CELF4: variants seen among roughly 807,000 people sequenced by gnomAD.
CELF4 encodes the protein CUG-BP- and ETR-3-like factor 4.
In CELF4, 18 loss-of-function variants were observed where a neutral mutation model predicts 59.9. The ratio of observed to expected loss-of-function variants is 0.30; its 90% CI spans 0.21 to 0.45. CELF4 has a LOEUF of 0.45. CELF4 is among the 20% of genes least tolerant of loss of function. The pLI, the probability that CELF4 is intolerant of heterozygous loss-of-function variation, is 1.00. For missense variants in CELF4, 456 were observed against 689.0 expected (o/e 0.66, Z 3.79); for synonymous variants, 261 against 267.1 (o/e 0.98, Z 0.22).
At chr18:37,474,880 C>T (rs1262706169) in intron 2 of CELF4, among the ~76,000 whole-genome samples, 1 of 152,210 alleles carries the variant, frequency 6.6e-6, no homozygotes, top group Non-Finnish European at 1.5e-5. Context: ...GCACTTCCAG[C>T]TCGAGGGCTT....
chr18:37,549,180 T>G (rs778217730), intron 1 of CELF4, among the ~76,000 whole-genome samples: 7 of 152,218 alleles, frequency 4.6e-5, no homozygotes, highest in Non-Finnish European at 8.8e-5. Context: ...CTCACTTTAT[T>G]TAAAGGATTT....
chr18:37,471,706 C>T (rs887997139), intron 2 of CELF4, among the ~76,000 whole-genome samples: 4 of 152,158 alleles, frequency 2.6e-5, no homozygotes, highest in South Asian at 2.1e-4. Context: ...TTCTCTCCTC[C>T]GCAGGAGGGA....
At chr18:37,480,645 G>C (rs1174493149) in intron 2 of CELF4, among the ~76,000 whole-genome samples, 1 of 152,168 alleles carries the variant, frequency 6.6e-6, no homozygotes, top group Non-Finnish European at 1.5e-5. Context: ...CCTTGCCAGG[G>C]AAGCCCCCGT....
intron 2 of CELF4, among the ~76,000 whole-genome samples, chr18:37,366,692 G>A (rs74712412): frequency 0.019 from 2,825 of 152,222 alleles, 88 homozygotes; most frequent in African/African-American, 0.065. Flanking sequence ...GGGAGGCATC[G>A]CCACTATCAT....
At chr18:37,273,674 A>G in intron 6 of CELF4, 1 of 988,106 alleles carries the variant, frequency 1.0e-6, no homozygotes, top group Non-Finnish European at 1.2e-6. Context: ...AATGTGGCCA[A>G]GGCGGACAGT....
intron 2 of CELF4, among the ~76,000 whole-genome samples, chr18:37,447,254 G>A (rs944848809): frequency 4.6e-5 from 7 of 152,206 alleles, no homozygotes; most frequent in Non-Finnish European, 8.8e-5. Flanking sequence ...TCCAGAGCAC[G>A]TCACAGAGAG....
At chr18:37,422,047 G>A (rs766639253) in intron 2 of CELF4, among the ~76,000 whole-genome samples, 4 of 152,216 alleles carry the variant, frequency 2.6e-5, no homozygotes, top group Non-Finnish European at 5.9e-5. Context: ...CCCTCTTGCT[G>A]GAAGACACGG....
rs747740678 is a variant in CELF4 at position 37,266,532 on chromosome 18, C to T, written c.1165+1G>A. 1.5e-5 allele frequency: 24 copies of T among 1,591,932 alleles called. No homozygotes were observed. Among genetic ancestry groups the T allele is most frequent in the East Asian group, 9.1e-5 (4 of 44,112 alleles). On this transcript the variant is annotated splice_donor_variant, in intron 9 of 12. Coordinates refer to ENST00000420428, the MANE Select transcript of CELF4 (RefSeq NM_020180.4). LOFTEE classifies it high-confidence loss of function. ...AGCCGTGGGGACGCGTGGATACTAA[C>T]GACCTGCATACTGCTGCACTCCGGC...
chr18:37,352,788 C>T (rs1028533955), intron 2 of CELF4, among the ~76,000 whole-genome samples: 1 of 152,150 alleles, frequency 6.6e-6, no homozygotes, highest in Middle Eastern at 3.4e-3. Context: ...GCAGGAAAGT[C>T]TCCCAGGTAG....
chr18:37,282,857 G>C (rs1449273770), intron 3 of CELF4, among the ~76,000 whole-genome samples: 1 of 152,168 alleles, frequency 6.6e-6, no homozygotes, highest in Non-Finnish European at 1.5e-5. Flanking sequence ...AGCCAGTGGA[G>C]AGCTACACAC....
chr18:37,551,794 C>T (rs1371207044), intron 1 of CELF4, among the ~76,000 whole-genome samples: 2 of 152,190 alleles, frequency 1.3e-5, no homozygotes, highest in Non-Finnish European at 2.9e-5. Context: ...ATAGCCCTGG[C>T]AGTTTCAGTG....
chr18:37,317,410 A>G (rs912898663), intron 3 of CELF4, among the ~76,000 whole-genome samples: 5 of 152,204 alleles, frequency 3.3e-5, no homozygotes, highest in African/African-American at 4.8e-5. Context: ...AAACAAAACC[A>G]TATTTCCATA....
At chr18:37,543,851 C>T (rs1364379662) in intron 1 of CELF4, among the ~76,000 whole-genome samples, 2 of 152,160 alleles carry the variant, frequency 1.3e-5, no homozygotes, top group African/African-American at 2.4e-5. Context: ...TGAGAGAGGC[C>T]GCTACGTGGT....
intron 2 of CELF4, among the ~76,000 whole-genome samples, chr18:37,365,499 T>TTTTTG (rs2098766505): frequency 6.8e-6 from 1 of 147,676 alleles, no homozygotes; most frequent in African/African-American, 2.5e-5. Flanking sequence ...TTTTTTTTTT[T>TTTTTG]TTTTGAGATG....
chr18:37,270,716 A>G, intron 8 of CELF4, 52 bp downstream of exon 8: 2 of 1,606,236 alleles, frequency 1.2e-6, no homozygotes, highest in Admixed American at 1.7e-5. Context: ...CAGGGACAGC[A>G]TGGATAAAGA....
chr18:37,333,579 C>G (rs981480708), intron 2 of CELF4, among the ~76,000 whole-genome samples: 1 of 152,120 alleles, frequency 6.6e-6, no homozygotes, highest in Non-Finnish European at 1.5e-5. Context: ...GGAGGCCACG[C>G]CTCATGGAGA....
intron 2 of CELF4, among the ~76,000 whole-genome samples, chr18:37,450,604 G>A (rs1400019930): frequency 1.3e-5 from 2 of 151,902 alleles, no homozygotes; most frequent in Non-Finnish European, 2.9e-5. Context: ...TTGCCATGGC[G>A]ATCCCTGATG....
chr18:37,469,769 A>G (rs1442320027), intron 2 of CELF4, among the ~76,000 whole-genome samples: 2 of 152,176 alleles, frequency 1.3e-5, no homozygotes, highest in East Asian at 3.8e-4. Context: ...TCTTCCATTG[A>G]TTTATCTATC....
intron 3 of CELF4, among the ~76,000 whole-genome samples, chr18:37,289,025 C>T (rs557787909): frequency 1.9e-4 from 29 of 152,284 alleles, no homozygotes; most frequent in Middle Eastern, 3.4e-3. Context: ...CCACTCAGTC[C>T]GGCAGTCAGT....
Sources: gnomAD v4.1 joint callset for allele counts (sites outside exome capture counted in the v4.1 genomes callset) on GRCh38, gnomAD v4.1.1 for gene constraint, MANE v1.5 for transcripts, NCBI Gene and HGNC (gene_info 2026-07-23, HGNC 2026-07-21) for gene names.